TTC17: variants seen among roughly 807,000 people sequenced by gnomAD.
TTC17 encodes the protein tetratricopeptide repeat protein 17.
A neutral mutation model predicts 143.8 loss-of-function variants in TTC17; 58 were observed. The ratio of observed to expected loss-of-function variants is 0.40; its 90% confidence interval spans 0.33 to 0.50. The LOEUF (loss-of-function observed/expected upper bound fraction) is 0.50. Among genes scored for constraint, TTC17 ranks in the 20% least tolerant of loss-of-function variants. The pLI, the probability that TTC17 is intolerant of heterozygous loss-of-function variation, is 0.49. For synonymous variants in TTC17, 501 were observed against 497.8 expected (o/e 1.01, Z -0.09); for missense variants, 1,273 against 1,392.5 (o/e 0.91, Z 1.37).
chr11:43,490,411 C>T (rs1948453707), intron 22 of TTC17, 53 bp downstream of exon 22: 2 of 1,543,052 alleles, frequency 1.3e-6, no homozygotes, highest in Non-Finnish European at 1.8e-6. Flanking sequence ...TTTCCATTCC[C>T]CATGGTTTAT....
chr11:43,369,267 A>G (rs575605079), intron 1 of TTC17, among the ~76,000 whole-genome samples: 2 of 152,338 alleles, frequency 1.3e-5, no homozygotes, highest in East Asian at 3.9e-4. Flanking sequence ...TTGCTTGTCA[A>G]TTAGGAGAAT....
intron 2 of TTC17, among the ~76,000 whole-genome samples, chr11:43,383,884 A>C (rs908262122): frequency 2.6e-5 from 4 of 152,106 alleles, no homozygotes; most frequent in Admixed American, 2.0e-4. Flanking sequence ...ATAGACATGC[A>C]GGCCAGGTGT....
chr11:43,411,704 A>G (rs537660799), intron 15 of TTC17, among the ~76,000 whole-genome samples: 1 of 152,194 alleles, frequency 6.6e-6, no homozygotes, highest in African/African-American at 2.4e-5. Flanking sequence ...TCATTTTGTC[A>G]TAGGGATAAT....
intron 21 of TTC17, among the ~76,000 whole-genome samples, chr11:43,467,805 TA>T (rs1564976887): frequency 6.7e-6 from 1 of 149,104 alleles, no homozygotes; most frequent in East Asian, 2.0e-4. Context: ...CAAACTGATA[TA>T]TAAAGACATA....
At chr11:43,431,268 A>G (rs1947152791) in intron 16 of TTC17, among the ~76,000 whole-genome samples, 1 of 152,198 alleles carries the variant, frequency 6.6e-6, no homozygotes, top group African/African-American at 2.4e-5. Flanking sequence ...AATGATTTAT[A>G]ATCCTTTGGT....
chr11:43,396,693 CT>C lies in TTC17; in HGVS notation c.664-10del. ...GTCTTGAGTCGTGTTTGTAATTTTA[CT>C]TTTTTAATCTCTAGAACACTTCCTC... On this transcript the variant is annotated splice_polypyrimidine_tract_variant and intron_variant, in intron 5 of 23. Transcript: ENST00000039989. The C allele has an allele frequency of 2.1e-6, 3 of 1,451,592 alleles. No individual in the cohort carries two copies. Among genetic ancestry groups the C allele is most frequent in the East Asian group, 4.9e-5 (2 of 40,446 alleles). The allele number at this position is 1,451,592 out of a possible 1,614,324, so 89.9% of individuals were successfully genotyped here. A position where few individuals can be genotyped will look rare whatever the true frequency, so the allele number is the denominator to read the frequency against.
intron 2 of TTC17, among the ~76,000 whole-genome samples, chr11:43,383,671 A>G (rs895704722): frequency 6.6e-6 from 1 of 152,166 alleles, no homozygotes; most frequent in Non-Finnish European, 1.5e-5. Flanking sequence ...GCCCGGCCAC[A>G]AACTCTATTT....
chr11:43,392,086 T>C (rs1857412577), intron 5 of TTC17, 134 bp downstream of exon 5: 5 of 1,016,822 alleles, frequency 4.9e-6, no homozygotes, highest in Non-Finnish European at 5.5e-6. Flanking sequence ...ACACTTACAT[T>C]GATGCAAATT....
intron 18 of TTC17, chr11:43,446,753 C>T (rs1288705736): frequency 4.6e-6 from 4 of 861,558 alleles, no homozygotes; most frequent in East Asian, 1.2e-4. Context: ...TCCATTATAA[C>T]TCCTTCAGAA....
chr11:43,370,129 C>T (rs1590310043), intron 1 of TTC17: 2 of 454,228 alleles, frequency 4.4e-6, no homozygotes, highest in South Asian at 1.6e-5. Context: ...AGCTGGGCTG[C>T]TATTTTTGCG....
intron 21 of TTC17, among the ~76,000 whole-genome samples, chr11:43,483,252 A>G (rs1361898996): frequency 2.0e-5 from 3 of 152,176 alleles, no homozygotes; most frequent in Admixed American, 6.5e-5. Flanking sequence ...GAATTCTACA[A>G]ACTTTTGAGA....
chr11:43,429,524 CAGT>C (rs1385746713), intron 16 of TTC17, among the ~76,000 whole-genome samples: 1 of 152,138 alleles, frequency 6.6e-6, no homozygotes, highest in Non-Finnish European at 1.5e-5. Flanking sequence ...TTTTGTATAA[CAGT>C]GGTGAGCAAC....
At chr11:43,434,415 G>A (rs1565164127) in intron 16 of TTC17, among the ~76,000 whole-genome samples, 1 of 152,072 alleles carries the variant, frequency 6.6e-6, no homozygotes, top group Non-Finnish European at 1.5e-5. Context: ...ATCGGCGGGG[G>A]GAAGCCTAGA....
chr11:43,452,384 C>T (rs966693907), intron 21 of TTC17, among the ~76,000 whole-genome samples: 1 of 152,098 alleles, frequency 6.6e-6, no homozygotes, highest in Non-Finnish European at 1.5e-5. Flanking sequence ...CCTGTAATCC[C>T]AGCTACTTGA....
chr11:43,474,462 C>T (rs969835940), intron 21 of TTC17, among the ~76,000 whole-genome samples: 1 of 152,078 alleles, frequency 6.6e-6, no homozygotes, highest in Non-Finnish European at 1.5e-5. Context: ...TTCCTTGAAT[C>T]TACATTATTT....
At chr11:43,477,644 C>G (rs1424807815) in intron 21 of TTC17, among the ~76,000 whole-genome samples, 2 of 152,134 alleles carry the variant, frequency 1.3e-5, no homozygotes, top group Non-Finnish European at 2.9e-5. Context: ...AGACCGGCCC[C>G]CATGATTCAA....
chr11:43,457,351 A>C (rs1275673273), intron 21 of TTC17, among the ~76,000 whole-genome samples: 3 of 152,026 alleles, frequency 2.0e-5, no homozygotes, highest in Non-Finnish European at 4.4e-5. Flanking sequence ...TAAGGGAAAA[A>C]CTGCCCTGAT....
Position 43,473,961 on chromosome 11 carries a change from A to G in TTC17, c.3031-16278A>G, listed in dbSNP as rs73530666. On this transcript the variant is annotated intron_variant, in intron 21 of 23. Transcript: ENST00000039989. Reference sequence around the variant, plus strand: ...CTGACTATATCTAGCAAAATTATACATTCATTTACCCTTTTAGCCAGCAAT... The same window carrying G: ...CTGACTATATCTAGCAAAATTATACGTTCATTTACCCTTTTAGCCAGCAAT... Among the ~76,000 whole-genome samples the G allele has an allele frequency of 1.6e-3, 244 of 152,318 alleles. 1 individual carries two copies. Among genetic ancestry groups the G allele is most frequent in the African/African-American group, 5.6e-3 (232 of 41,574 alleles).
intron 2 of TTC17, among the ~76,000 whole-genome samples, chr11:43,385,236 G>A (rs1857126248): frequency 1.3e-5 from 2 of 152,050 alleles, no homozygotes; most frequent in South Asian, 4.1e-4. Flanking sequence ...AGAGATAGAG[G>A]GAGCGAGTAT....
Sources: allele counts gnomAD v4.1 joint callset (sites outside exome capture counted in the v4.1 genomes callset), GRCh38; gene constraint gnomAD v4.1.1; transcripts MANE v1.5; gene names NCBI Gene and HGNC (gene_info 2026-07-23, HGNC 2026-07-21).